Variants in TBCK observed in about 807,000 individuals in gnomAD.
TBCK encodes the protein TBC domain-containing protein kinase-like protein.
TBCK carries 99 observed loss-of-function variants against 113.4 expected under a neutral mutation model. The observed-to-expected ratio is 0.87, with a 90% CI of 0.74 to 1.03. The LOEUF is 1.03. Among genes scored for constraint, TBCK ranks in the 50% least tolerant of loss-of-function variants. TBCK has a pLI of 0.00. For synonymous variants in TBCK, 369 were observed against 370.8 expected, an observed-to-expected ratio of 1.00 and a Z score of 0.05; for missense variants, 1,045 against 1,061.3, an observed-to-expected ratio of 0.98 and a Z score of 0.21.
chr4:106,207,180 A>T (rs140478829), intron 20 of TBCK, among the ~76,000 whole-genome samples: 4 of 152,314 alleles, frequency 2.6e-5, no homozygotes, highest in Non-Finnish European at 4.4e-5. Context: ...TCACATAACT[A>T]CCATGAAATG....
intron 23 of TBCK, chr4:106,164,454 T>C (rs1401873712): frequency 1.3e-5 from 2 of 151,978 alleles, no homozygotes; most frequent in East Asian, 3.9e-4. Flanking sequence ...TATATGTTAA[T>C]GTATTTTCTA....
chr4:106,161,920 T>C (rs1203075148), intron 23 of TBCK, among the ~76,000 whole-genome samples: 1 of 152,062 alleles, frequency 6.6e-6, no homozygotes, highest in Non-Finnish European at 1.5e-5. Flanking sequence ...CTCCCAAATC[T>C]CATGTCCTCA....
intron 3 of TBCK, among the ~76,000 whole-genome samples, chr4:106,289,499 G>A (rs566427994): frequency 4.6e-5 from 7 of 152,178 alleles, no homozygotes; most frequent in South Asian, 2.1e-4. Context: ...AGCCAGGCGC[G>A]GTGGCTCATG....
chr4:106,176,795 C>T (rs925226172), intron 22 of TBCK, among the ~76,000 whole-genome samples: 24 of 151,924 alleles, frequency 1.6e-4, no homozygotes, highest in Non-Finnish European at 3.1e-4. Context: ...TACATTCCCA[C>T]TAACAGTGTA....
At chr4:106,134,982 T>C (rs558219431) in intron 23 of TBCK, among the ~76,000 whole-genome samples, 1 of 152,334 alleles carries the variant, frequency 6.6e-6, no homozygotes, top group South Asian at 2.1e-4. Flanking sequence ...TGTAGATCTT[T>C]ACATAAAATG....
upstream of TBCK, chr4:106,316,430 G>A (rs1768885302): frequency 4.6e-5 from 48 of 1,037,156 alleles, no homozygotes; most frequent in East Asian, 2.1e-4. Flanking sequence ...TAATGGGACT[G>A]AGCACAGGAA....
chr4:106,292,306 T>A (rs1176447678), intron 3 of TBCK, among the ~76,000 whole-genome samples: 1 of 152,134 alleles, frequency 6.6e-6, no homozygotes. Flanking sequence ...GCGCGGTGGC[T>A]GACACTTGTA....
intron 25 of TBCK, among the ~76,000 whole-genome samples, chr4:106,053,335 C>T (rs962185603): frequency 6.6e-6 from 1 of 151,674 alleles, no homozygotes; most frequent in Non-Finnish European, 1.5e-5. Context: ...CAGTAATCTC[C>T]ACATTGTCAA....
At chr4:106,216,921 G>A (rs1320163426) in intron 19 of TBCK, among the ~76,000 whole-genome samples, 1 of 151,842 alleles carries the variant, frequency 6.6e-6, no homozygotes, top group African/African-American at 2.4e-5. Flanking sequence ...CCAAAAAAGA[G>A]AATTTTAGAC....
intron 25 of TBCK, among the ~76,000 whole-genome samples, chr4:106,092,750 C>T (rs1028945994): frequency 7.9e-5 from 12 of 152,240 alleles, no homozygotes; most frequent in African/African-American, 2.4e-4. Flanking sequence ...TGTGCGCAGT[C>T]CCGGTTCCCG....
At chr4:106,248,855 G>C in intron 8 of TBCK, 66 bp downstream of exon 8, 1 of 1,310,244 alleles carries the variant, frequency 7.6e-7, no homozygotes, top group South Asian at 1.4e-5. Context: ...GTCTTTATAA[G>C]TTACCCAATA....
At chr4:106,276,732 A>G (rs182251364) in intron 3 of TBCK, among the ~76,000 whole-genome samples, 4 of 152,128 alleles carry the variant, frequency 2.6e-5, no homozygotes, top group Admixed American at 2.0e-4. Context: ...CCACATATCT[A>G]CTAAAAACAA....
At chr4:106,233,726 T>A in intron 15 of TBCK, 76 bp from the exon 16 acceptor site, 1 of 1,207,840 alleles carries the variant, frequency 8.3e-7, no homozygotes. Flanking sequence ...ATCTATTTTT[T>A]ACAAATATCT....
chr4:106,242,726 A>ATTG (rs1310072634), intron 11 of TBCK, among the ~76,000 whole-genome samples, 157 bp from the exon 12 acceptor site: 5 of 152,062 alleles, frequency 3.3e-5, no homozygotes, highest in Non-Finnish European at 2.9e-5. Context: ...AATTATTATT[A>ATTG]TTATACTTTA....
chr4:106,276,876 T>C (rs1031980716), intron 3 of TBCK, among the ~76,000 whole-genome samples: 3 of 151,276 alleles, frequency 2.0e-5, no homozygotes, highest in African/African-American at 7.3e-5. Flanking sequence ...GACTCCATTA[T>C]AAAATAAATA....
chr4:106,293,008 A>T (rs1459432248), intron 3 of TBCK, among the ~76,000 whole-genome samples: 1 of 152,218 alleles, frequency 6.6e-6, no homozygotes, highest in Non-Finnish European at 1.5e-5. Context: ...TCTTTCTCCC[A>T]ACTGGTGCAG....
intron 23 of TBCK, among the ~76,000 whole-genome samples, chr4:106,136,868 A>G (rs9991203): frequency 0.24 from 33,417 of 140,024 alleles, 8,274 homozygotes; most frequent in African/African-American, 0.4. Flanking sequence ...AAAATTGGTT[A>G]GATTAATGAA....
At chr4:106,124,897 T>C (rs1744965381) in intron 23 of TBCK, among the ~76,000 whole-genome samples, 1 of 151,564 alleles carries the variant, frequency 6.6e-6, no homozygotes, top group Non-Finnish European at 1.5e-5. Flanking sequence ...ATATACCTAA[T>C]GCTAGATGAC....
chr4:106,212,864 C>A, intron 19 of TBCK, 29 bp from the exon 20 acceptor site: 1 of 1,361,888 alleles, frequency 7.3e-7, no homozygotes, highest in Non-Finnish European at 1.0e-6. Flanking sequence ...AGACAATCAT[C>A]ATTTTTACAC....
Sources: gnomAD v4.1 joint callset for allele counts (sites outside exome capture counted in the v4.1 genomes callset) on GRCh38, gnomAD v4.1.1 for gene constraint, MANE v1.5 for transcripts, NCBI Gene and HGNC (gene_info 2026-07-23, HGNC 2026-07-21) for gene names.